CSMD1: variants seen among roughly 807,000 people sequenced by gnomAD.
CSMD1 encodes CUB and Sushi multiple domains 1, also known as CUB and sushi domain-containing protein 1.
Under a neutral mutation model 417.5 loss-of-function variants are expected in CSMD1, and 213 were observed. The observed-to-expected ratio is 0.51, with a 90% CI of 0.46 to 0.57. The LOEUF is 0.57. Ranked by LOEUF, CSMD1 falls within the 20% of genes least tolerant of loss-of-function variation. CSMD1 has a pLI of 0.00. For synonymous variants in CSMD1, 2,862 were observed against 1,736.8 expected, an observed-to-expected ratio of 1.65 and a Z score of -16.11; for missense variants, 6,923 against 4,529.7, an observed-to-expected ratio of 1.53 and a Z score of -15.17.
intron 3 of CSMD1, among the ~76,000 whole-genome samples, chr8:4,181,974 G>GTA (rs56228653): frequency 2.8e-5 from 3 of 107,802 alleles, no homozygotes; most frequent in Non-Finnish European, 4.5e-5. Flanking sequence ...GTGTGTGTGT[G>GTA]ATGTGTGTGT....
At chr8:4,022,927 T>A (rs912763995) in intron 4 of CSMD1, among the ~76,000 whole-genome samples, 2 of 152,144 alleles carry the variant, frequency 1.3e-5, no homozygotes, top group Non-Finnish European at 2.9e-5. Context: ...TGCAACTAAG[T>A]AATGAGAGAA....
At position 4,453,795 on chromosome 8, in the gene CSMD1, A is replaced by C. The variant is rs545886059; in HGVS notation, c.303-33730T>G. Among the ~76,000 whole-genome samples the C allele has an allele frequency of 4.7e-5, 7 of 148,130 alleles. No homozygotes were observed. The East Asian group carries it at 1.4e-3, about 29-fold the overall frequency. On this transcript the variant is annotated intron_variant, in intron 2 of 69. Coordinates refer to ENST00000635120, the MANE Select transcript of CSMD1 (RefSeq NM_033225.6). ...TCAGCTTTCACCCAGGTTCCCGAAC[A>C]AGATTGCGCAATTCGTTTCTTTTTT...
intron 23 of CSMD1, among the ~76,000 whole-genome samples, chr8:3,316,759 G>GC (rs933642520): frequency 6.6e-6 from 1 of 152,204 alleles, no homozygotes; most frequent in African/African-American, 2.4e-5. Flanking sequence ...GGACTCGGCT[G>GC]CAGCACCAAG....
At chr8:3,379,562 G>A (rs1004789133) in intron 18 of CSMD1, among the ~76,000 whole-genome samples, 13 of 152,204 alleles carry the variant, frequency 8.5e-5, no homozygotes, top group African/African-American at 2.4e-4. Context: ...ATAGACCAAT[G>A]GAACAGAACA....
rs867758881 is a variant in CSMD1, at chr8:3,729,935, A to C, written c.932-21444T>G. On this transcript the variant is annotated intron_variant, in intron 6 of 69. Coordinates refer to ENST00000635120, the MANE Select transcript of CSMD1 (RefSeq NM_033225.6). ...GCCAATTCAAAGTAAAAAAAAAAAA[A>C]AAAAAAAAAAAAAAAAAAAAAAAAA... Among the ~76,000 whole-genome samples, 88 of 31,140 alleles carry C rather than the reference A, an allele frequency of 2.8e-3. 6 individuals carry two copies. Among genetic ancestry groups the C allele is most frequent in the Middle Eastern group, 9.6e-3 (1 of 104 alleles). 20.4% of individuals were successfully genotyped at this position (31,140 alleles called of 152,430 possible).
chr8:4,319,127 G>A (rs553779394), intron 3 of CSMD1, among the ~76,000 whole-genome samples: 1 of 152,082 alleles, frequency 6.6e-6, no homozygotes, highest in African/African-American at 2.4e-5. Flanking sequence ...GATTTTAAAA[G>A]CAGATTAAAT....
intron 3 of CSMD1, among the ~76,000 whole-genome samples, chr8:4,078,657 C>G (rs77064769): frequency 0.068 from 10,234 of 149,844 alleles, 396 homozygotes; most frequent in Middle Eastern, 0.1. Context: ...TCTAACTATC[C>G]TTTTGAGAAA....
intron 37 of CSMD1, among the ~76,000 whole-genome samples, chr8:3,175,087 C>T (rs1162165774): frequency 6.6e-6 from 1 of 151,898 alleles, no homozygotes; most frequent in Non-Finnish European, 1.5e-5. Context: ...TTAATAATTG[C>T]AAAATATAAA....
intron 11 of CSMD1, among the ~76,000 whole-genome samples, chr8:3,490,984 G>C (rs1002240732): frequency 6.6e-6 from 1 of 152,064 alleles, no homozygotes; most frequent in African/African-American, 2.4e-5. Flanking sequence ...TTTTCAGGGG[G>C]GATAATTGGA....
At chr8:3,510,617 G>A (rs1797024208) in intron 10 of CSMD1, among the ~76,000 whole-genome samples, 1 of 151,754 alleles carries the variant, frequency 6.6e-6, no homozygotes, top group Non-Finnish European at 1.5e-5. Context: ...TGACTCTCTT[G>A]CAGAAGAATA....
intron 4 of CSMD1, among the ~76,000 whole-genome samples, chr8:4,021,489 G>A (rs537135010): frequency 1.1e-4 from 16 of 152,224 alleles, no homozygotes; most frequent in East Asian, 7.7e-4. Flanking sequence ...AGTTGAATCC[G>A]CTACATCCCC....
chr8:4,140,178 A>G (rs151085089), intron 3 of CSMD1, among the ~76,000 whole-genome samples: 1 of 148,542 alleles, frequency 6.7e-6, no homozygotes, highest in East Asian at 2.0e-4. Context: ...CATAGCAAAA[A>G]CCCGTATCTA....
Position 2,999,943 on chromosome 8 carries a change from A to C in CSMD1, c.8203+15T>G. 3.1e-6 allele frequency: 5 copies of C among 1,603,516 alleles called. No homozygotes were observed. Among genetic ancestry groups the C allele is most frequent in the Non-Finnish European group, 4.3e-6 (5 of 1,174,766 alleles). ...AGGAAGCATCGATGAATTCGTCCAC[A>C]AAGAGTGCACTTACGGACACAGACA... is the stretch of plus-strand genomic sequence containing the variant. On this transcript the variant is annotated intron_variant, in intron 53 of 69. Coordinates refer to ENST00000635120, the MANE Select transcript of CSMD1 (RefSeq NM_033225.6).
intron 3 of CSMD1, among the ~76,000 whole-genome samples, chr8:4,254,868 T>A (rs892050645): frequency 6.6e-6 from 1 of 152,114 alleles, no homozygotes. Context: ...ACATTCTGTG[T>A]TGTTCACACA....
At chr8:4,133,817 G>T (rs1803256036) in intron 3 of CSMD1, among the ~76,000 whole-genome samples, 1 of 152,110 alleles carries the variant, frequency 6.6e-6, no homozygotes, top group South Asian at 2.1e-4. Flanking sequence ...GACCATGCCT[G>T]ATCTCCTCTG....
intron 12 of CSMD1, among the ~76,000 whole-genome samples, chr8:3,414,912 C>G (rs1368277883): frequency 1.3e-5 from 2 of 152,130 alleles, no homozygotes. Context: ...GTGTCTCTAG[C>G]ACCACTCTCT....
At chr8:3,676,763 C>T (rs1047768012) in intron 7 of CSMD1, among the ~76,000 whole-genome samples, 19 of 152,204 alleles carry the variant, frequency 1.2e-4, no homozygotes, top group Admixed American at 7.2e-4. Context: ...ACACTTGGAA[C>T]CAACCCAAAT....
intron 50 of CSMD1, among the ~76,000 whole-genome samples, chr8:3,037,382 G>C (rs1414548074): frequency 6.7e-6 from 1 of 148,310 alleles, no homozygotes; most frequent in Non-Finnish European, 1.5e-5. Context: ...ATTTTTTTTT[G>C]TATTTTTAGT....
At chr8:4,510,827 T>C in intron 2 of CSMD1, among the ~76,000 whole-genome samples, 1 of 119,698 alleles carries the variant, frequency 8.4e-6, no homozygotes, top group African/African-American at 3.2e-5. Context: ...CCTCCCTTCC[T>C]CTCTTCCTCC....
Sources: allele counts gnomAD v4.1 joint callset (sites outside exome capture counted in the v4.1 genomes callset), GRCh38; gene constraint gnomAD v4.1.1; transcripts MANE v1.5; gene names NCBI Gene and HGNC (gene_info 2026-07-23, HGNC 2026-07-21).